Variants in OPA1 observed in about 807,000 individuals in gnomAD.
OPA1 encodes dynamin-like GTPase OPA1, mitochondrial.
Under a neutral mutation model 152.9 loss-of-function variants are expected in OPA1, and 59 were observed. That is an observed-to-expected ratio of 0.39 (90% confidence interval 0.31 to 0.48). The LOEUF (loss-of-function observed/expected upper bound fraction) is 0.48. OPA1 is among the 20% of genes least tolerant of loss of function. The pLI is 0.96. For missense variants in OPA1, 1,008 were observed against 1,216.8 expected, an observed-to-expected ratio of 0.83 and a Z score of 2.55; for synonymous variants, 400 against 389.9, an observed-to-expected ratio of 1.03 and a Z score of -0.31.
intron 1 of OPA1, among the ~76,000 whole-genome samples, chr3:193,597,802 A>G (rs1156490521): frequency 6.6e-6 from 1 of 151,996 alleles, no homozygotes; most frequent in Non-Finnish European, 1.5e-5. Context: ...AAGATGAGAC[A>G]TAGCCAGGTG....
At chr3:193,635,675 A>C (rs1451539895) in intron 9 of OPA1, among the ~76,000 whole-genome samples, 153 bp downstream of exon 9, 1 of 152,194 alleles carries the variant, frequency 6.6e-6, no homozygotes, top group Non-Finnish European at 1.5e-5. Flanking sequence ...TCCTATATTA[A>C]GACATTTTAT....
At chr3:193,622,023 A>G (rs1280779837) in intron 6 of OPA1, among the ~76,000 whole-genome samples, 1 of 152,094 alleles carries the variant, frequency 6.6e-6, no homozygotes, top group Admixed American at 6.6e-5. Flanking sequence ...CTTTTGTTCT[A>G]TCATGTTTCT....
chr3:193,694,624 C>T lies in OPA1; in HGVS notation c.*24C>T, dbSNP rs1418239040. On this transcript the variant is annotated 3_prime_UTR_variant, in exon 31 of 31. Coordinates refer to ENST00000361510, the MANE Select transcript of OPA1 (RefSeq NM_130837.3). ...TTTACAGAATCGTACTCATAATCAG[C>T]TCTGCATACATCTGAAGAACAAAAA... 1.3e-5 allele frequency: 2 copies of T among 152,202 alleles called. No homozygotes were observed. Among genetic ancestry groups the T allele is most frequent in the African/African-American group, 4.8e-5 (2 of 41,446 alleles). The allele number at this position is 152,202 out of a possible 1,614,324, so 9.4% of individuals were successfully genotyped here.
At chr3:193,672,770 G>A (rs983192335) in intron 29 of OPA1, among the ~76,000 whole-genome samples, 1 of 151,318 alleles carries the variant, frequency 6.6e-6, no homozygotes, top group Non-Finnish European at 1.5e-5. Context: ...TCGGGAGGCT[G>A]AGACAGGAGA....
chr3:193,661,891 T>A (rs1310714532), intron 25 of OPA1, among the ~76,000 whole-genome samples: 1 of 152,172 alleles, frequency 6.6e-6, no homozygotes, highest in East Asian at 1.9e-4. Flanking sequence ...TATCAAATGC[T>A]CTTTTTTCTG....
chr3:193,616,948 G>C lies in OPA1; in HGVS notation c.449-230G>C, dbSNP rs189328032. Among the ~76,000 whole-genome samples, 213 of 152,312 alleles carry C rather than the reference G, an allele frequency of 1.4e-3. 2 individuals carry two copies. The highest frequency in any genetic ancestry group is 9.5e-3 in the Admixed American group (145 of 15,310). On this transcript the variant is annotated intron_variant, in intron 3 of 30. Coordinates refer to ENST00000361510, the MANE Select transcript of OPA1 (RefSeq NM_130837.3). The stretch of plus-strand genomic sequence containing the variant: ...TTGATGTATTTGCCAGTACCACAGC[G>C]TAGTGGCTGAGAGCCTGTATTCTGG...
chr3:193,614,905 A>C lies in OPA1; in HGVS notation c.215A>C (p.Lys72Thr), dbSNP rs532878175. 8.1e-6 allele frequency: 13 copies of C among 1,613,984 alleles called. No individual in the cohort carries two copies. The South Asian group carries it at 8.8e-5, about 11-fold the overall frequency. ...TCTCTGACAAACCTTCCTTTACGTA[A>C]ACTGAAATTCTCTCCAATTAAATAT... is the stretch of plus-strand genomic sequence containing the variant. The part of the protein sequence containing the change: ...FSSLTNLPLR[K>T]LKFSPIKYGY... The change falls in exon 2 of 31, where the codon AAA becomes ACA. Residue 72 changes from lysine (K) to threonine (T), a missense_variant. Physicochemically the swap from Lys to Thr is moderately conservative, Grantham distance 78 (BLOSUM62 -1). Coordinates refer to ENST00000361510, the MANE Select transcript of OPA1 (RefSeq NM_130837.3).
At chr3:193,691,990 TTAGTAAA>T (rs1721750106) in intron 29 of OPA1, 66 bp from the exon 30 acceptor site, 6 of 885,232 alleles carry the variant, frequency 6.8e-6, no homozygotes, top group Middle Eastern at 3.3e-4. Context: ...TACCAACCAT[TTAGTAAA>T]TAATTACCTC....
intron 29 of OPA1, chr3:193,668,890 CATT>C: frequency 2.0e-6 from 2 of 1,023,512 alleles, no homozygotes; most frequent in Non-Finnish European, 2.4e-6. Flanking sequence ...ATCAGTGAAA[CATT>C]ATTGTTATTA....
At chr3:193,633,331 A>G (rs1732402551) in intron 8 of OPA1, among the ~76,000 whole-genome samples, 1 of 152,240 alleles carries the variant, frequency 6.6e-6, no homozygotes, top group Admixed American at 6.5e-5. Flanking sequence ...TTATTGTTCT[A>G]GAGCTTTGAG....
At chr3:193,602,469 T>A (rs1270219324) in intron 1 of OPA1, among the ~76,000 whole-genome samples, 1 of 152,208 alleles carries the variant, frequency 6.6e-6, no homozygotes, top group Non-Finnish European at 1.5e-5. Flanking sequence ...CGTAATACAT[T>A]AAAGCCTTGC....
chr3:193,612,475 G>A (rs1409562702), intron 1 of OPA1, among the ~76,000 whole-genome samples: 1 of 151,956 alleles, frequency 6.6e-6, no homozygotes, highest in Admixed American at 6.6e-5. Context: ...TTTTAAGGAG[G>A]CACTTTTTGA....
chr3:193,694,184 C>T lies in OPA1; in HGVS notation c.*6-422C>T, dbSNP rs1032373774. ...GTATCTTGTGATCTGGACAGATGAT[C>T]TGTTTTGTACCCTGCAGATGCATTT... On this transcript the variant is annotated intron_variant, in intron 30 of 30. Transcript: ENST00000361510. Among the ~76,000 whole-genome samples the T allele has an allele frequency of 6.6e-5, 10 of 152,148 alleles. No homozygotes were observed. In the South Asian group the frequency reaches 1.9e-3, roughly 28 times the overall value.
intron 29 of OPA1, among the ~76,000 whole-genome samples, chr3:193,680,200 A>G (rs1287160882): frequency 1.5e-5 from 2 of 134,590 alleles, no homozygotes; most frequent in Non-Finnish European, 3.2e-5. Context: ...TCAGAATTAC[A>G]TTCTCTGATC....
chr3:193,657,309 C>A (rs543358155), intron 23 of OPA1, 77 bp downstream of exon 23: 9 of 1,293,364 alleles, frequency 7.0e-6, no homozygotes, highest in Non-Finnish European at 1.0e-5. Flanking sequence ...TCATAGGAGA[C>A]TTTATATGAC....
rs150807064 is a variant in OPA1 at position 193,642,980 on chromosome 3, A to G, written c.1236A>G (p.Ala412=). The G allele has an allele frequency of 1.8e-3, 2,898 of 1,613,532 alleles. 27 individuals carry two copies. The highest frequency in any genetic ancestry group is 5.1e-3 in the Middle Eastern group (31 of 6,058). ...EFDLTKEEDL[A]ALRHEIELRM... ...GATTTTGTGTTTTCCATTAGCTTGC[A>G]GCATTAAGACATGAAATAGAACTTC... The change falls in exon 13 of 31, where the codon GCA becomes GCG. Residue 412 remains alanine, a synonymous_variant. Coordinates refer to ENST00000361510, the MANE Select transcript of OPA1 (RefSeq NM_130837.3).
chr3:193,625,443 A>G (rs1433849754), intron 6 of OPA1, among the ~76,000 whole-genome samples: 1 of 152,160 alleles, frequency 6.6e-6, no homozygotes, highest in African/African-American at 2.4e-5. Context: ...ACAGCTCATA[A>G]AAAGTGAAAA....
intron 29 of OPA1, chr3:193,668,866 G>C: frequency 4.7e-6 from 5 of 1,061,548 alleles, no homozygotes; most frequent in Non-Finnish European, 5.7e-6. Context: ...TTAGATCTTT[G>C]AGAACTCAAG....
Position 193,617,783 on chromosome 3 carries a change from G to C in OPA1, c.557-1G>C. On this transcript the variant is annotated splice_acceptor_variant, in intron 4 of 30. Coordinates refer to ENST00000361510, the MANE Select transcript of OPA1 (RefSeq NM_130837.3). LOFTEE classifies it high-confidence loss of function. ...TTTCCCCTTTTGCTGATTTTTCACA[G>C]GTCACAAATTGGTTAGTGAAGTCAT... is the stretch of plus-strand genomic sequence containing the variant. The C allele has an allele frequency of 6.2e-7, 1 of 1,609,152 alleles. No individual in the cohort carries two copies. The highest frequency in any genetic ancestry group is 1.3e-5 in the African/African-American group (1 of 74,926).
Sources: gnomAD v4.1 joint callset for allele counts (sites outside exome capture counted in the v4.1 genomes callset) on GRCh38, gnomAD v4.1.1 for gene constraint, MANE v1.5 for transcripts, NCBI Gene and HGNC (gene_info 2026-07-23, HGNC 2026-07-21) for gene names.